The following ADAMTSL3 variants were observed in gnomAD, a reference collection of about 807,000 sequenced individuals.
ADAMTSL3 encodes ADAMTS like 3.
Under a neutral mutation model 201.7 loss-of-function variants are expected in ADAMTSL3, and 128 were observed. The observed-to-expected ratio is 0.63, with a 90% CI of 0.55 to 0.73. The LOEUF (loss-of-function observed/expected upper bound fraction) is 0.73, where lower values mean the gene tolerates loss of function less well. Ranked by LOEUF, ADAMTSL3 falls within the 30% of genes least tolerant of loss-of-function variation. The probability of loss-of-function intolerance (pLI) is 0.00; values close to 1 mark genes in which losing one functional copy is unlikely to be tolerated. For missense variants in ADAMTSL3, 1,990 were observed against 2,119.6 expected, an observed-to-expected ratio of 0.94 and a Z score of 1.20; for synonymous variants, 738 against 748.4, an observed-to-expected ratio of 0.99 and a Z score of 0.23.
chr15:83,863,748 A>G (rs2064915934), intron 8 of ADAMTSL3, among the ~76,000 whole-genome samples: 2 of 152,236 alleles, frequency 1.3e-5, no homozygotes, highest in South Asian at 4.1e-4. Context: ...AGCAGAAGGC[A>G]AGAAATAACT....
chr15:83,933,578 G>A (rs1193205553), intron 17 of ADAMTSL3, among the ~76,000 whole-genome samples: 1 of 152,192 alleles, frequency 6.6e-6, no homozygotes, highest in Non-Finnish European at 1.5e-5. Flanking sequence ...AGAAATTCAA[G>A]CCTGCTGCAA....
At chr15:83,841,029 G>GT (rs947333719) in intron 7 of ADAMTSL3, among the ~76,000 whole-genome samples, 35 of 152,230 alleles carry the variant, frequency 2.3e-4, no homozygotes, top group African/African-American at 5.3e-4. Flanking sequence ...TGTGAAAAGC[G>GT]TTTTTTTAAA....
intron 3 of ADAMTSL3, among the ~76,000 whole-genome samples, chr15:83,710,629 G>C (rs980024580): frequency 6.6e-6 from 1 of 152,170 alleles, no homozygotes; most frequent in Admixed American, 6.5e-5. Context: ...GACATCATAG[G>C]TGAAGTCATA....
intron 25 of ADAMTSL3, among the ~76,000 whole-genome samples, chr15:84,019,463 T>G (rs1432686768): frequency 1.3e-5 from 2 of 152,162 alleles, no homozygotes; most frequent in Non-Finnish European, 2.9e-5. Flanking sequence ...TTGATAATAG[T>G]CATTGACAGG....
intron 23 of ADAMTSL3, among the ~76,000 whole-genome samples, chr15:84,009,969 G>A (rs893110198): frequency 3.9e-5 from 6 of 152,134 alleles, no homozygotes; most frequent in Admixed American, 1.3e-4. Flanking sequence ...GATTGTTTAG[G>A]GTCTTTCACT....
At chr15:83,758,696 A>C (rs1174085969) in intron 3 of ADAMTSL3, among the ~76,000 whole-genome samples, 1 of 152,148 alleles carries the variant, frequency 6.6e-6, no homozygotes, top group Non-Finnish European at 1.5e-5. Flanking sequence ...TTGACCATTT[A>C]TATATCTTCT....
chr15:83,975,271 G>A (rs2067267326), intron 20 of ADAMTSL3, among the ~76,000 whole-genome samples: 1 of 151,922 alleles, frequency 6.6e-6, no homozygotes, highest in African/African-American at 2.4e-5. Flanking sequence ...CAAAGTGCTG[G>A]GATTACAGGC....
chr15:83,786,651 G>A (rs1049400627), intron 4 of ADAMTSL3, among the ~76,000 whole-genome samples: 1 of 151,868 alleles, frequency 6.6e-6, no homozygotes, highest in Non-Finnish European at 1.5e-5. Flanking sequence ...CAAACCTGCC[G>A]CTTTTATGTG....
At chr15:83,832,528 C>G (rs2064176479) in intron 6 of ADAMTSL3, among the ~76,000 whole-genome samples, 1 of 152,156 alleles carries the variant, frequency 6.6e-6, no homozygotes, top group South Asian at 2.1e-4. Context: ...TCGGAAGTGA[C>G]TTAGACACTT....
At chr15:83,801,677 T>TATAA (rs2063525991) in intron 4 of ADAMTSL3, among the ~76,000 whole-genome samples, 1 of 72,884 alleles carries the variant, frequency 1.4e-5, no homozygotes, top group Non-Finnish European at 2.9e-5. Context: ...TATATATATA[T>TATAA]ATATATATAT....
chr15:83,836,369 C>G (rs1326005569), intron 6 of ADAMTSL3, among the ~76,000 whole-genome samples: 3 of 152,202 alleles, frequency 2.0e-5, no homozygotes, highest in Non-Finnish European at 4.4e-5. Context: ...CATGATAGCT[C>G]TTTGTGAATT....
Position 83,843,887 on chromosome 15 carries a change from C to T in ADAMTSL3, c.727+5672C>T, listed in dbSNP as rs142666343. Among the ~76,000 whole-genome samples the T allele has an allele frequency of 5.6e-3, 854 of 152,288 alleles. 4 individuals carry two copies. Among genetic ancestry groups the T allele is most frequent in the African/African-American group, 0.019 (807 of 41,548 alleles). ...AGATACAACATACAGATTTCCTGTTCAGAGGGAGGAGGAGAGAGACGGAAC... is the reference window on the plus strand; with the variant it reads ...AGATACAACATACAGATTTCCTGTTTAGAGGGAGGAGGAGAGAGACGGAAC... On this transcript the variant is annotated intron_variant, in intron 7 of 29. Coordinates refer to ENST00000286744, the MANE Select transcript of ADAMTSL3 (RefSeq NM_207517.3).
intron 7 of ADAMTSL3, among the ~76,000 whole-genome samples, chr15:83,842,571 C>T (rs12904106): frequency 0.79 from 119,923 of 152,168 alleles, 48,089 homozygotes; most frequent in East Asian, 1. Context: ...ATACCTCTTA[C>T]ATACTTTAAG....
Position 83,700,543 on chromosome 15 carries a change from C to T in ADAMTSL3, c.70-3846C>T, listed in dbSNP as rs7179422. On this transcript the variant is annotated intron_variant, in intron 2 of 29. Coordinates refer to ENST00000286744, the MANE Select transcript of ADAMTSL3 (RefSeq NM_207517.3). Reference sequence around the variant, plus strand: ...CTTTGGGAGGCCAAGGCGGGCAGGTCGCCTGAGATTAGGTGTTCGAGACCA... The same window carrying T: ...CTTTGGGAGGCCAAGGCGGGCAGGTTGCCTGAGATTAGGTGTTCGAGACCA... Among the ~76,000 whole-genome samples, 450 of 152,254 alleles carry T rather than the reference C, an allele frequency of 3.0e-3. 3 individuals are homozygous for T. The highest frequency in any genetic ancestry group is 0.01 in the African/African-American group (425 of 41,560).
chr15:83,935,908 TAATC>T (rs1401966158), intron 17 of ADAMTSL3, among the ~76,000 whole-genome samples: 2 of 152,052 alleles, frequency 1.3e-5, no homozygotes, highest in Non-Finnish European at 1.5e-5. Flanking sequence ...ACATCATAGG[TAATC>T]AATAAATATT....
chr15:83,780,136 G>A (rs1396674235), intron 4 of ADAMTSL3, among the ~76,000 whole-genome samples: 1 of 152,150 alleles, frequency 6.6e-6, no homozygotes, highest in Non-Finnish European at 1.5e-5. Context: ...TGAGCCGGGT[G>A]TAGTGGCTCA....
At position 83,819,807 on chromosome 15, in the gene ADAMTSL3, C is replaced by A. The variant is rs1438163747; in HGVS notation, c.364-4C>A. The A allele has an allele frequency of 3.1e-6, 5 of 1,612,750 alleles. No homozygotes were observed. The Admixed American group carries it at 8.3e-5, about 27-fold the overall frequency. ...TGCATGTGGCCTTTTCCCTCTGCCCCCAGGACTGCCCTCCAGATGCAGAAG... is the reference window on the plus strand; with the variant it reads ...TGCATGTGGCCTTTTCCCTCTGCCCACAGGACTGCCCTCCAGATGCAGAAG... On this transcript the variant is annotated splice_region_variant and splice_polypyrimidine_tract_variant and intron_variant, in intron 5 of 29. Transcript: ENST00000286744.
chr15:83,710,456 A>G (rs1596067727), intron 3 of ADAMTSL3, among the ~76,000 whole-genome samples: 1 of 152,058 alleles, frequency 6.6e-6, no homozygotes, highest in Non-Finnish European at 1.5e-5. Context: ...AACTTCTTCT[A>G]TGTCCTCCAA....
At chr15:83,938,059 T>C (rs1267201199) in intron 17 of ADAMTSL3, among the ~76,000 whole-genome samples, 1 of 147,284 alleles carries the variant, frequency 6.8e-6, no homozygotes, top group Non-Finnish European at 1.5e-5. Flanking sequence ...ATATTTAATC[T>C]AAAAAAGTTT....
Sources: allele counts gnomAD v4.1 joint callset (sites outside exome capture counted in the v4.1 genomes callset), GRCh38; gene constraint gnomAD v4.1.1; transcripts MANE v1.5; gene names NCBI Gene and HGNC (gene_info 2026-07-23, HGNC 2026-07-21).